The following PLCG2 variants were observed in gnomAD, a reference collection of about 807,000 sequenced individuals.
PLCG2 encodes the protein 1-phosphatidylinositol 4,5-bisphosphate phosphodiesterase gamma-2.
A neutral mutation model predicts 175.6 loss-of-function variants in PLCG2; 69 were observed. That is an observed-to-expected ratio of 0.39 (90% CI 0.32 to 0.48). The LOEUF (loss-of-function observed/expected upper bound fraction) is 0.48, where lower values mean the gene tolerates loss of function less well. PLCG2 is among the 20% of genes least tolerant of loss of function. The probability of loss-of-function intolerance (pLI) is 0.91; values close to 1 mark genes in which losing one functional copy is unlikely to be tolerated. For missense variants in PLCG2, 1,798 were observed against 1,650.9 expected (o/e 1.09, Z -1.54); for synonymous variants, 827 against 624.0 (o/e 1.33, Z -4.85).
intron 2 of PLCG2, among the ~76,000 whole-genome samples, chr16:81,842,201 T>G (rs537103862): frequency 4.6e-5 from 7 of 152,288 alleles, no homozygotes; most frequent in African/African-American, 1.7e-4. Context: ...AAAGGGAGGC[T>G]TTCTCCTCTT....
intron 18 of PLCG2, among the ~76,000 whole-genome samples, chr16:81,911,051 G>A (rs1909599685): frequency 6.6e-6 from 1 of 151,914 alleles, no homozygotes; most frequent in Non-Finnish European, 1.5e-5. Context: ...TGTTTGTTCT[G>A]AAAATGAACA....
intron 31 of PLCG2, among the ~76,000 whole-genome samples, chr16:81,947,283 GT>G (rs1911189421): frequency 6.6e-6 from 1 of 152,166 alleles, no homozygotes; most frequent in Admixed American, 6.5e-5. Flanking sequence ...GTTGTGTGGG[GT>G]TCTAAATGGA....
intron 7 of PLCG2, among the ~76,000 whole-genome samples, chr16:81,872,373 C>A (rs7193967): frequency 0.48 from 73,100 of 151,964 alleles, 18,264 homozygotes; most frequent in Non-Finnish European, 0.55. Context: ...CCTTTTGCTC[C>A]TTTTTATGAG....
chr16:81,922,364 C>T (rs1054862554), intron 21 of PLCG2, among the ~76,000 whole-genome samples: 3 of 152,198 alleles, frequency 2.0e-5, no homozygotes, highest in African/African-American at 7.2e-5. Context: ...GCAAAATGGG[C>T]ATACTCATAT....
chr16:81,821,840 C>G (rs1904812736), intron 2 of PLCG2, among the ~76,000 whole-genome samples: 1 of 152,100 alleles, frequency 6.6e-6, no homozygotes, highest in Non-Finnish European at 1.5e-5. Flanking sequence ...GGACCCCTCC[C>G]CTCTCAAATA....
At chr16:81,866,509 GC>G (rs1219446496) in intron 5 of PLCG2, among the ~76,000 whole-genome samples, 3 of 72,482 alleles carry the variant, frequency 4.1e-5, no homozygotes, top group African/African-American at 8.1e-5. Context: ...ATGAGAGGAC[GC>G]TGGCCTCTCC....
chr16:81,839,689 G>T (rs961805346), intron 2 of PLCG2, among the ~76,000 whole-genome samples: 2 of 152,118 alleles, frequency 1.3e-5, no homozygotes, highest in East Asian at 1.9e-4. Context: ...ATAACAAAGG[G>T]TGGGCACCAT....
At position 81,919,755 on chromosome 16, in the gene PLCG2, C is replaced by T. The variant is rs1909986335; in HGVS notation, c.2235+91C>T. ...TGAATTCAGCAAACCTCTGAGTATT[C>T]ACCATGTATCTGATACTGCTGTAGG... On this transcript the variant is annotated intron_variant, in intron 20 of 32. Transcript: ENST00000564138. The T allele has an allele frequency of 4.6e-6, 5 of 1,087,380 alleles. No homozygotes were observed. In the South Asian group the frequency reaches 7.3e-5, roughly 16 times the overall value. The allele number at this position is 1,087,380 out of a possible 1,614,324, so 67.4% of individuals were successfully genotyped here.
chr16:81,835,609 AATG>A (rs928400864), intron 2 of PLCG2, among the ~76,000 whole-genome samples: 2 of 151,862 alleles, frequency 1.3e-5, no homozygotes, highest in Non-Finnish European at 2.9e-5. Flanking sequence ...TCATAATAAT[AATG>A]ATAATAATTG....
At chr16:81,928,226 T>C (rs1910357597) in intron 23 of PLCG2, among the ~76,000 whole-genome samples, 1 of 152,118 alleles carries the variant, frequency 6.6e-6, no homozygotes, top group Non-Finnish European at 1.5e-5. Flanking sequence ...CAAAATAGTC[T>C]CATTTTCTAA....
intron 22 of PLCG2, among the ~76,000 whole-genome samples, chr16:81,925,272 C>G (rs17202240): frequency 0.14 from 21,077 of 152,160 alleles, 1,693 homozygotes; most frequent in Non-Finnish European, 0.18. Flanking sequence ...TGGGTGAAAC[C>G]GGCTTTTTTG....
chr16:81,866,700 A>C (rs1346929025), intron 5 of PLCG2, among the ~76,000 whole-genome samples: 2 of 136,322 alleles, frequency 1.5e-5, no homozygotes, highest in African/African-American at 5.4e-5. Context: ...CCTTGCTCCC[A>C]GGATGGGCTC....
At chr16:81,769,133 A>T (rs1910217346) in intron 2 of PLCG2, among the ~76,000 whole-genome samples, 1 of 152,208 alleles carries the variant, frequency 6.6e-6, no homozygotes, top group African/African-American at 2.4e-5. Context: ...AGTTTGTCTC[A>T]GATGCCATGT....
intron 2 of PLCG2, among the ~76,000 whole-genome samples, chr16:81,827,733 C>G (rs971461478): frequency 7.2e-5 from 11 of 152,192 alleles, no homozygotes; most frequent in Middle Eastern, 3.4e-3. Context: ...GCTGCAGGCT[C>G]AGGGTCCACA....
At chr16:81,946,125 G>C (rs1356982468) in intron 30 of PLCG2, 50 bp from the exon 31 acceptor site, 6 of 1,437,914 alleles carry the variant, frequency 4.2e-6, no homozygotes, top group African/African-American at 1.4e-5. Flanking sequence ...AAAATCTAAG[G>C]TCTGACATTA....
At chr16:81,813,939 G>T (rs1024724555) in intron 2 of PLCG2, among the ~76,000 whole-genome samples, 1 of 152,258 alleles carries the variant, frequency 6.6e-6, no homozygotes, top group African/African-American at 2.4e-5. Flanking sequence ...GATTCTACCT[G>T]TTGATGGGAA....
intron 7 of PLCG2, among the ~76,000 whole-genome samples, chr16:81,879,046 G>A (rs1939101728): frequency 6.6e-6 from 1 of 152,102 alleles, no homozygotes; most frequent in Non-Finnish European, 1.5e-5. Context: ...GTACCATGGT[G>A]GTACCTCTGC....
intron 1 of PLCG2, chr16:81,755,694 T>A (rs950042278): frequency 6.6e-6 from 1 of 151,710 alleles, no homozygotes; most frequent in Non-Finnish European, 1.5e-5. Context: ...TGCAGTTAAT[T>A]TTTGTATTTT....
At chr16:81,869,439 AGAGG>A in intron 6 of PLCG2, 141 bp downstream of exon 6, 1 of 660,166 alleles carries the variant, frequency 1.5e-6, no homozygotes, top group Non-Finnish European at 2.8e-6. Flanking sequence ...TAGTTCAGAC[AGAGG>A]GATCATGGAC....
Sources: gnomAD v4.1 joint callset for allele counts (sites outside exome capture counted in the v4.1 genomes callset) on GRCh38, gnomAD v4.1.1 for gene constraint, MANE v1.5 for transcripts, NCBI Gene and HGNC (gene_info 2026-07-23, HGNC 2026-07-21) for gene names.